The following FBXO34 variants were observed in gnomAD, a reference collection of about 807,000 sequenced individuals.
The protein encoded by FBXO34 is F-box protein 34.
In FBXO34, 12 loss-of-function variants were observed where a neutral mutation model predicts 24.5. The observed-to-expected ratio is 0.49, with a 90% CI of 0.31 to 0.79. The LOEUF (loss-of-function observed/expected upper bound fraction) is 0.79. Among genes scored for constraint, FBXO34 ranks in the 30% least tolerant of loss-of-function variants. The pLI, the probability that FBXO34 is intolerant of heterozygous loss-of-function variation, is 0.04. For synonymous variants in FBXO34, 320 were observed against 311.9 expected, an observed-to-expected ratio of 1.03 and a Z score of -0.27; for missense variants, 823 against 857.7, an observed-to-expected ratio of 0.96 and a Z score of 0.51.
the FBXO34 span, among the ~76,000 whole-genome samples, chr14:55,425,142 C>T: frequency 1.3e-5 from 2 of 152,220 alleles, no homozygotes; most frequent in Non-Finnish European, 2.9e-5. Context: ...CTTTTACTGG[C>T]TCCAGAAAGG....
At chr14:55,406,074 T>G in the FBXO34 span, among the ~76,000 whole-genome samples, 1 of 152,166 alleles carries the variant, frequency 6.6e-6, no homozygotes, top group Non-Finnish European at 1.5e-5. Flanking sequence ...TCTGCCAAAC[T>G]CATATTGTCC....
intron 1 of FBXO34, among the ~76,000 whole-genome samples, chr14:55,317,500 A>C (rs1205030377): frequency 1.3e-5 from 2 of 151,890 alleles, no homozygotes; most frequent in Non-Finnish European, 2.9e-5. Flanking sequence ...AAAAACAAAA[A>C]CCAAAAAACG....
intron 1 of FBXO34, among the ~76,000 whole-genome samples, chr14:55,316,724 CAA>C (rs61450097): frequency 3.1e-5 from 4 of 127,300 alleles, no homozygotes. Context: ...AGGAACATCT[CAA>C]AAAAAAAAAA....
the FBXO34 span, among the ~76,000 whole-genome samples, chr14:55,426,277 AAAT>A: frequency 2.0e-3 from 299 of 149,896 alleles, no homozygotes; most frequent in African/African-American, 6.7e-3. Context: ...CAAAAAAAAA[AAAT>A]AAATAAATAA....
intron 1 of FBXO34, among the ~76,000 whole-genome samples, chr14:55,314,345 A>G (rs940401238): frequency 1.3e-5 from 2 of 152,248 alleles, no homozygotes; most frequent in African/African-American, 4.8e-5. Flanking sequence ...CGGTCTTAAC[A>G]GTGCTTTGAC....
chr14:55,320,381 G>C (rs544896898), intron 1 of FBXO34, among the ~76,000 whole-genome samples: 9 of 152,294 alleles, frequency 5.9e-5, no homozygotes, highest in South Asian at 2.1e-4. Flanking sequence ...AAAGCTAAAT[G>C]GTAGGGTGAA....
At chr14:55,404,017 T>C in the FBXO34 span, among the ~76,000 whole-genome samples, 2 of 152,176 alleles carry the variant, frequency 1.3e-5, no homozygotes, top group African/African-American at 4.8e-5. Context: ...ATGGAAATGG[T>C]CACTGAGAGT....
At chr14:55,306,563 G>C (rs903909486) in intron 1 of FBXO34, among the ~76,000 whole-genome samples, 2 of 152,220 alleles carry the variant, frequency 1.3e-5, no homozygotes, top group Non-Finnish European at 2.9e-5. Flanking sequence ...GCTGGGTGTG[G>C]TGGCTCACGC....
At chr14:55,279,654 C>A (rs569515409) in intron 1 of FBXO34, among the ~76,000 whole-genome samples, 7 of 152,148 alleles carry the variant, frequency 4.6e-5, no homozygotes, top group Non-Finnish European at 4.4e-5. Context: ...GAAATGTATT[C>A]TTGTGTCTCA....
At chr14:55,411,985 T>G in the FBXO34 span, 3 of 652,512 alleles carry the variant, frequency 4.6e-6, no homozygotes, top group Non-Finnish European at 7.8e-6. Flanking sequence ...TTTTCCGGTC[T>G]GCTGAGGGGC....
chr14:55,420,371 G>A, the FBXO34 span, among the ~76,000 whole-genome samples: 32 of 152,278 alleles, frequency 2.1e-4, no homozygotes, highest in Middle Eastern at 3.4e-3. Flanking sequence ...ATCCATTTGC[G>A]GGTGAAAAGA....
At chr14:55,386,048 C>T in the FBXO34 span, 2 of 1,613,680 alleles carry the variant, frequency 1.2e-6, no homozygotes, top group Non-Finnish European at 1.7e-6. Context: ...TTGTGCTCGA[C>T]TGTAAAGCTT....
the FBXO34 span, among the ~76,000 whole-genome samples, chr14:55,393,214 T>C: frequency 7.4e-6 from 1 of 134,708 alleles, no homozygotes. Context: ...ACCCCGTCTC[T>C]ACTAAAAAAA....
At chr14:55,319,654 T>G (rs192574861) in intron 1 of FBXO34, among the ~76,000 whole-genome samples, 2 of 152,174 alleles carry the variant, frequency 1.3e-5, no homozygotes, top group African/African-American at 4.8e-5. Context: ...ACATTCTATA[T>G]AGTGTGTGAA....
chr14:55,386,210 A>C, the FBXO34 span: 1 of 860,416 alleles, frequency 1.2e-6, no homozygotes, highest in Non-Finnish European at 1.8e-6. Context: ...TGAAAGCAAA[A>C]CCTGAATAAT....
intron 1 of FBXO34, among the ~76,000 whole-genome samples, chr14:55,308,478 A>G (rs1882628317): frequency 6.6e-6 from 1 of 152,224 alleles, no homozygotes; most frequent in African/African-American, 2.4e-5. Flanking sequence ...TTTCATGTTA[A>G]GGTTCTTCCA....
intron 1 of FBXO34, among the ~76,000 whole-genome samples, chr14:55,348,681 G>A (rs940977723): frequency 6.6e-6 from 1 of 152,174 alleles, no homozygotes; most frequent in Non-Finnish European, 1.5e-5. Context: ...TATTTCAGGG[G>A]TAACTTTTAA....
intron 1 of FBXO34, among the ~76,000 whole-genome samples, chr14:55,281,255 T>TAAAAAAA (rs533626777): frequency 3.0e-5 from 3 of 98,434 alleles, no homozygotes; most frequent in Non-Finnish European, 3.9e-5. Context: ...CCCGACTCCT[T>TAAAAAAA]AAAAAAAAAA....
At chr14:55,428,284 C>G in the FBXO34 span, among the ~76,000 whole-genome samples, 1 of 151,914 alleles carries the variant, frequency 6.6e-6, no homozygotes, top group Non-Finnish European at 1.5e-5. Context: ...CGCCCGCTGC[C>G]ACGCCCGGCT....
Sources: allele counts gnomAD v4.1 joint callset (sites outside exome capture counted in the v4.1 genomes callset), GRCh38; gene constraint gnomAD v4.1.1; transcripts MANE v1.5; gene names NCBI Gene and HGNC (gene_info 2026-07-23, HGNC 2026-07-21).